FOXP4: variants seen among roughly 807,000 people sequenced by gnomAD.
FOXP4 encodes forkhead box P4, also known as forkhead box protein P4.
A neutral mutation model predicts 82.6 loss-of-function variants in FOXP4; 25 were observed. That is an observed-to-expected ratio of 0.30 (90% CI 0.22 to 0.42). The LOEUF is 0.42. Among genes scored for constraint, FOXP4 ranks in the 10% least tolerant of loss-of-function variants. The probability of loss-of-function intolerance (pLI) is 1.00; values close to 1 mark genes in which losing one functional copy is unlikely to be tolerated. For missense variants in FOXP4, 785 were observed against 900.9 expected (o/e 0.87, Z 1.65); for synonymous variants, 415 against 388.2 (o/e 1.07, Z -0.81).
Position 41,584,781 on chromosome 6 carries a change from G to T in FOXP4, c.313G>T (p.Val105Leu). The change falls in exon 4 of 17, where the codon GTG becomes TTG. Residue 105 changes from valine to leucine, a missense_variant. Coordinates refer to ENST00000307972, the MANE Select transcript of FOXP4 (RefSeq NM_001012426.2). ...CCGAATCCTGCAGGTGCCTGTGTCG[G>T]TGGCCATGATGTCGCCGCAGATGCT... is the stretch of plus-strand genomic sequence containing the variant. ...SASAVQVPVSVAMMSPQMLTP... is the reference protein window; with the variant it reads ...SASAVQVPVSLAMMSPQMLTP... 6.3e-7 allele frequency: 1 copy of T among 1,592,980 alleles called. No homozygotes were observed. The highest frequency in any genetic ancestry group is 8.5e-7 in the Non-Finnish European group (1 of 1,169,940).
chr6:41,587,410 C>T lies in FOXP4; in HGVS notation c.770C>T (p.Ala257Val), dbSNP rs762339292. 1.9e-6 allele frequency: 3 copies of T among 1,587,722 alleles called. No homozygotes were observed. Among genetic ancestry groups the T allele is most frequent in the Non-Finnish European group, 2.6e-6 (3 of 1,166,760 alleles). ...GGGCTGGACCTCACTGGCACGGCCG[C>T]CACCGCTACCTCGTTTGCCGCTCCC... ...QEGLDLTGTA[A>V]TATSFAAPPK... The change falls in exon 7 of 17, where the codon GCC becomes GTC. Residue 257 changes from alanine to valine, a missense_variant. By Grantham distance (64) the Ala-to-Val change is moderately conservative. This residue lies in a region of FOXP4 where 570 missense variants were observed against 634.0 expected (regional missense o/e 0.90). Transcript: ENST00000307972.
rs535242274 is a variant in FOXP4 at position 41,592,276 on chromosome 6, G to A, written c.1536+954G>A. Among the ~76,000 whole-genome samples, 18 of 152,280 alleles carry A rather than the reference G, an allele frequency of 1.2e-4. No homozygotes were observed. The South Asian group carries it at 2.9e-3, about 25-fold the overall frequency. On this transcript the variant is annotated intron_variant, in intron 13 of 16. Transcript: ENST00000307972. ...CCCACCAGCGCCCAGGACTTGGTGGGGTCTGCACAGTGCCTGCCTACCCTT... is the reference window on the plus strand; with the variant it reads ...CCCACCAGCGCCCAGGACTTGGTGGAGTCTGCACAGTGCCTGCCTACCCTT...
chr6:41,590,851 A>T (rs1300711569), intron 12 of FOXP4, among the ~76,000 whole-genome samples: 1 of 152,214 alleles, frequency 6.6e-6, no homozygotes, highest in Non-Finnish European at 1.5e-5. Flanking sequence ...AAATCAGGAT[A>T]AATTCCAAAC....
At chr6:41,566,039 G>A (rs1764862762) in intron 2 of FOXP4, 75 bp downstream of exon 2, 13 of 1,451,294 alleles carry the variant, frequency 9.0e-6, no homozygotes, top group Non-Finnish European at 1.0e-5. Flanking sequence ...CATCCTGGCT[G>A]CTGGAGCACC....
chr6:41,583,356 A>G (rs929626616), intron 3 of FOXP4, among the ~76,000 whole-genome samples: 1 of 152,180 alleles, frequency 6.6e-6, no homozygotes. Context: ...TGCCTCTGCC[A>G]GGCATTGAAA....
At chr6:41,563,698 G>T (rs898207353) in intron 1 of FOXP4, among the ~76,000 whole-genome samples, 1 of 152,216 alleles carries the variant, frequency 6.6e-6, no homozygotes, top group South Asian at 2.1e-4. Flanking sequence ...TTGGGGGCTT[G>T]CTCTGTCAGG....
At chr6:41,598,669 C>T in intron 16 of FOXP4, 120 bp from the exon 17 acceptor site, 1 of 1,427,062 alleles carries the variant, frequency 7.0e-7, no homozygotes, top group Middle Eastern at 2.5e-4. Context: ...CTGATGGGAT[C>T]CTGGGGAGGG....
intron 1 of FOXP4, among the ~76,000 whole-genome samples, chr6:41,548,967 T>C (rs892765695): frequency 6.6e-6 from 1 of 151,876 alleles, no homozygotes; most frequent in Admixed American, 6.6e-5. Flanking sequence ...GCCCTTTCGA[T>C]CTGAAACTCA....
intron 1 of FOXP4, among the ~76,000 whole-genome samples, chr6:41,564,632 G>A (rs905881223): frequency 6.6e-6 from 1 of 152,134 alleles, no homozygotes; most frequent in Non-Finnish European, 1.5e-5. Flanking sequence ...CCTTGGGTAT[G>A]TAACCTAACT....
chr6:41,570,343 C>G, intron 2 of FOXP4: 1 of 471,200 alleles, frequency 2.1e-6, no homozygotes, highest in Non-Finnish European at 4.4e-6. Flanking sequence ...CCAGTTCATA[C>G]CAGCTGCTGG....
chr6:41,571,881 TACCCCTTTCTTCC>T (rs1765219955), intron 2 of FOXP4, among the ~76,000 whole-genome samples: 1 of 152,140 alleles, frequency 6.6e-6, no homozygotes, highest in Non-Finnish European at 1.5e-5. Flanking sequence ...CTCCTTCTTG[TACCCCTTTCTTCC>T]ACCCTCTGGT....
intron 14 of FOXP4, among the ~76,000 whole-genome samples, chr6:41,596,581 G>A (rs572778364): frequency 1.2e-4 from 19 of 152,214 alleles, no homozygotes; most frequent in Admixed American, 7.2e-4. Context: ...CTTAAGCTCT[G>A]TGAGAGCTCT....
At chr6:41,592,266 G>T (rs116093310) in intron 13 of FOXP4, among the ~76,000 whole-genome samples, 10 of 152,184 alleles carry the variant, frequency 6.6e-5, no homozygotes, top group Non-Finnish European at 1.5e-5. Flanking sequence ...CAGCGCCCAG[G>T]ACTTGGTGGG....
In FOXP4 at chr6:41,578,039, C is replaced by G. The variant is rs920902733; in HGVS notation, c.258C>G (p.Ser86=). 1 of 1,613,484 alleles carries G rather than the reference C, an allele frequency of 6.2e-7. No homozygotes were observed. The highest frequency in any genetic ancestry group is 8.5e-7 in the Non-Finnish European group (1 of 1,180,008). Residue 86 remains serine (S), a synonymous_variant, in exon 3 of 17, where the codon TCC becomes TCG. Transcript: ENST00000307972. The stretch of plus-strand genomic sequence containing the variant: ...TGCAGCAGGCCTCAGGCCTGAGCTC[C>G]CCAGGGAACAATGACAGCAAACAGT... ...FLLQQASGLS[S]PGNNDSKQSA... is the part of the protein sequence containing the mutation.
intron 3 of FOXP4, among the ~76,000 whole-genome samples, chr6:41,579,014 A>T (rs781333926): frequency 6.6e-6 from 1 of 151,842 alleles, no homozygotes; most frequent in South Asian, 2.1e-4. Flanking sequence ...GGAAGTGAAG[A>T]GGAGGGTGGG....
At chr6:41,587,743 G>A (rs367930677) in intron 7 of FOXP4, 50 bp from the exon 8 acceptor site, 12 of 1,282,844 alleles carry the variant, frequency 9.4e-6, no homozygotes, top group South Asian at 2.6e-5. Context: ...CTACAGGGCC[G>A]CTGGGGTCTT....
chr6:41,573,282 T>C (rs1027266010), intron 2 of FOXP4, among the ~76,000 whole-genome samples: 1 of 152,046 alleles, frequency 6.6e-6, no homozygotes, highest in African/African-American at 2.4e-5. Flanking sequence ...GAACCAGAAA[T>C]GGGAGTGTGG....
chr6:41,571,628 A>G (rs974451485), intron 2 of FOXP4, among the ~76,000 whole-genome samples: 2 of 152,140 alleles, frequency 1.3e-5, no homozygotes, highest in African/African-American at 4.8e-5. Flanking sequence ...CGCCGATGTC[A>G]TTTTTACGAG....
Position 41,546,413 on chromosome 6 carries a change from G to A in FOXP4, c.-471G>A, listed in dbSNP as rs1763614739. On this transcript the variant is annotated 5_prime_UTR_variant, in exon 1 of 17. Coordinates refer to ENST00000307972, the MANE Select transcript of FOXP4 (RefSeq NM_001012426.2). ...GCCCAGGCTCAGTCGCAGCCCCTCG[G>A]AGTCCGGAGCCCGCCGTCCCTGCGG... The A allele has an allele frequency of 2.6e-5, 4 of 151,208 alleles. No individual in the cohort carries two copies. Among genetic ancestry groups the A allele is most frequent in the Admixed American group, 2.6e-4 (4 of 15,208 alleles). 9.4% of individuals were successfully genotyped at this position (151,208 alleles called of 1,614,324 possible).
Sources: gnomAD v4.1 joint callset for allele counts (sites outside exome capture counted in the v4.1 genomes callset) on GRCh38, gnomAD v4.1.1 for gene constraint, gnomAD v4.1.1 regional missense constraint, MANE v1.5 for transcripts, NCBI Gene and HGNC (gene_info 2026-07-23, HGNC 2026-07-21) for gene names.